The following CFLAR variants were observed in gnomAD, a reference collection of about 807,000 sequenced individuals.
The protein encoded by CFLAR is CASP8 and FADD-like apoptosis regulator.
CFLAR carries 14 observed loss-of-function variants against 51.1 expected under a neutral mutation model. The ratio of observed to expected loss-of-function variants is 0.27; its 90% CI spans 0.18 to 0.43. CFLAR has a LOEUF of 0.43. Ranked by LOEUF, CFLAR falls within the 20% of genes least tolerant of loss-of-function variation. The probability of loss-of-function intolerance (pLI) is 1.00; values close to 1 mark genes in which losing one functional copy is unlikely to be tolerated. For missense variants in CFLAR, 390 were observed against 566.5 expected, an observed-to-expected ratio of 0.69 and a Z score of 3.16; for synonymous variants, 210 against 211.6, an observed-to-expected ratio of 0.99 and a Z score of 0.06.
chr2:201,164,523 G>A lies in CFLAR; in HGVS notation c.*550G>A, dbSNP rs1281114229. On this transcript the variant is annotated 3_prime_UTR_variant, in exon 10 of 10. Coordinates refer to ENST00000309955, the MANE Select transcript of CFLAR (RefSeq NM_003879.7). Reference sequence around the variant, plus strand: ...CAGGAAGCATTCAGCATGAGAGAAAGATGGAGGCCAGAAGACTACACCAGT... The same window carrying A: ...CAGGAAGCATTCAGCATGAGAGAAAAATGGAGGCCAGAAGACTACACCAGT... The A allele has an allele frequency of 1.3e-5, 2 of 152,186 alleles. No individual in the cohort carries two copies. Among genetic ancestry groups the A allele is most frequent in the Non-Finnish European group, 2.9e-5 (2 of 68,072 alleles). 9.4% of individuals were successfully genotyped at this position (152,186 alleles called of 1,614,324 possible). A position where few individuals can be genotyped will look rare whatever the true frequency, so the allele number is the denominator to read the frequency against.
At chr2:201,163,310 A>C in intron 9 of CFLAR, 1 of 1,248,732 alleles carries the variant, frequency 8.0e-7, no homozygotes, top group South Asian at 2.1e-5. Context: ...GAATGAAGCC[A>C]CAATGTACCT....
At position 201,129,736 on chromosome 2, in the gene CFLAR, C is replaced by A; in HGVS notation, c.-130C>A. The A allele has an allele frequency of 6.0e-6, 5 of 832,688 alleles. No homozygotes were observed. The South Asian group carries it at 9.1e-5, about 15-fold the overall frequency. 51.6% of individuals were successfully genotyped at this position (832,688 alleles called of 1,614,324 possible). A position where few individuals can be genotyped will look rare whatever the true frequency, so the allele number is the denominator to read the frequency against. ...ATTCCCTTTTAACCACAGAACTCCC[C>A]CACTGGAAAGGATTCTGAAAGAAAT... On this transcript the variant is annotated 5_prime_UTR_variant, in exon 2 of 10. Transcript: ENST00000309955.
intron 3 of CFLAR, 99 bp downstream of exon 3, chr2:201,133,233 C>G: frequency 1.2e-6 from 1 of 800,088 alleles, no homozygotes; most frequent in East Asian, 2.7e-5. Context: ...TCTGCCGCCA[C>G]TATAGTGGGA....
At chr2:201,155,970 G>A (rs1410612293) in intron 8 of CFLAR, among the ~76,000 whole-genome samples, 2 of 152,014 alleles carry the variant, frequency 1.3e-5, no homozygotes, top group Non-Finnish European at 2.9e-5. Context: ...TATTTCCCAG[G>A]GCGGTCTTGA....
Position 201,116,970 on chromosome 2 carries a change from A to G in CFLAR, c.-138+489A>G, listed in dbSNP as rs1350591869. Reference sequence around the variant, plus strand: ...CAGTGGCGGGCCCTCAGCGTCGTGTAAACTTTGCTTAAAATGATCTTGAGA... The same window carrying G: ...CAGTGGCGGGCCCTCAGCGTCGTGTGAACTTTGCTTAAAATGATCTTGAGA... On this transcript the variant is annotated intron_variant, in intron 1 of 9. Coordinates refer to ENST00000309955, the MANE Select transcript of CFLAR (RefSeq NM_003879.7). The surrounding 1 kb of genome is among the most constrained non-coding windows in gnomAD (Gnocchi z 4.8). 1.3e-5 allele frequency: 2 copies of G among 152,186 alleles called. No individual in the cohort carries two copies. Among genetic ancestry groups the G allele is most frequent in the African/African-American group, 4.8e-5 (2 of 41,456 alleles). 9.4% of individuals were successfully genotyped at this position (152,186 alleles called of 1,614,324 possible).
intron 2 of CFLAR, among the ~76,000 whole-genome samples, chr2:201,130,921 A>T (rs969874075): frequency 1.3e-5 from 2 of 152,226 alleles, no homozygotes; most frequent in Admixed American, 6.5e-5. Flanking sequence ...ACCTTTGTAG[A>T]GACTCCATCA....
chr2:201,162,903 C>T (rs1218456692), intron 9 of CFLAR: 2 of 644,688 alleles, frequency 3.1e-6, no homozygotes, highest in Non-Finnish European at 5.7e-6. Flanking sequence ...CTTGATCAAT[C>T]TTCAGTTGTT....
intron 8 of CFLAR, 156 bp downstream of exon 8, chr2:201,149,991 C>T: frequency 5.1e-6 from 3 of 585,372 alleles, no homozygotes; most frequent in Non-Finnish European, 9.2e-6. Flanking sequence ...CCTGGAATTC[C>T]AGCACTTTGT....
rs550402584 is a variant in CFLAR, at chr2:201,166,840, G to A, written c.*2867G>A. On this transcript the variant is annotated 3_prime_UTR_variant, in exon 10 of 10. Transcript: ENST00000309955. The stretch of plus-strand genomic sequence containing the variant: ...AAACCAGTCAGGCGTGGCGGCGCCC[G>A]CAATGGCAGGCACGCGGCAGGCCGA... 8.3e-4 allele frequency: 131 copies of A among 157,014 alleles called. No individual in the cohort carries two copies. The highest frequency in any genetic ancestry group is 3.2e-3 in the Middle Eastern group (1 of 314). The allele number at this position is 157,014 out of a possible 1,614,324, so 9.7% of individuals were successfully genotyped here.
At chr2:201,149,167 G>A (rs1365794019) in intron 7 of CFLAR, 115 bp downstream of exon 7, 6 of 690,562 alleles carry the variant, frequency 8.7e-6, no homozygotes, top group South Asian at 5.3e-5. Context: ...CTCTGAGAGT[G>A]TTGTTCTCCT....
chr2:201,164,783 A>G lies in CFLAR; in HGVS notation c.*810A>G, dbSNP rs774685748. On this transcript the variant is annotated 3_prime_UTR_variant, in exon 10 of 10. Coordinates refer to ENST00000309955, the MANE Select transcript of CFLAR (RefSeq NM_003879.7). The stretch of plus-strand genomic sequence containing the variant: ...ATTTGGGCAACTATACCAAATTACC[A>G]TAGACCAGGTGACTTAAACAGCAGT... The G allele has an allele frequency of 6.6e-6, 1 of 152,262 alleles. No homozygotes were observed. Among genetic ancestry groups the G allele is most frequent in the Non-Finnish European group, 1.5e-5 (1 of 68,044 alleles). The allele number at this position is 152,262 out of a possible 1,614,324, so 9.4% of individuals were successfully genotyped here. A position where few individuals can be genotyped will look rare whatever the true frequency, so the allele number is the denominator to read the frequency against.
Position 201,119,738 on chromosome 2 carries a change from G to A in CFLAR, c.-138+3257G>A, listed in dbSNP as rs977944169. On this transcript the variant is annotated intron_variant, in intron 1 of 9. Coordinates refer to ENST00000309955, the MANE Select transcript of CFLAR (RefSeq NM_003879.7). ...ATGCATTTTCTTCAGACACTCTTCA[G>A]TCAAGTTGTATTATAATTATGAGTT... is the stretch of plus-strand genomic sequence containing the variant. Among the ~76,000 whole-genome samples, 6 of 151,798 alleles carry A rather than the reference G, an allele frequency of 4.0e-5. No individual in the cohort carries two copies. The East Asian group carries it at 9.7e-4, about 24-fold the overall frequency.
chr2:201,123,997 GGTT>G (rs1559172336), intron 1 of CFLAR, among the ~76,000 whole-genome samples: 1 of 152,190 alleles, frequency 6.6e-6, no homozygotes. Context: ...CAGTTTGTGG[GGTT>G]GCAAGAAATT....
intron 5 of CFLAR, chr2:201,141,739 A>T: frequency 1.3e-5 from 9 of 718,274 alleles, no homozygotes; most frequent in South Asian, 4.3e-5. Context: ...TTGTGTTCCT[A>T]GTACTTAGTA....
At chr2:201,139,623 T>C (rs1334887723) in intron 4 of CFLAR, 1 of 153,394 alleles carries the variant, frequency 6.5e-6, no homozygotes, top group Admixed American at 6.5e-5. Flanking sequence ...CTACTGCTCT[T>C]TAAGTCATTG....
intron 8 of CFLAR, among the ~76,000 whole-genome samples, chr2:201,159,034 C>T (rs1007642611): frequency 1.3e-5 from 2 of 151,626 alleles, no homozygotes; most frequent in East Asian, 3.9e-4. Flanking sequence ...AGCACCACCA[C>T]GCCTGGCTAA....
At chr2:201,133,583 G>A (rs1205952226) in intron 3 of CFLAR, among the ~76,000 whole-genome samples, 7 of 152,044 alleles carry the variant, frequency 4.6e-5, no homozygotes, top group Non-Finnish European at 1.0e-4. Flanking sequence ...TGGGGTGGGG[G>A]GAGGTTCTTG....
rs1944171180 is a variant in CFLAR at position 201,176,294 on chromosome 2, GC to G, written c.*12322del. The G allele has an allele frequency of 6.0e-5, 5 of 83,748 alleles. No homozygotes were observed. The highest frequency in any genetic ancestry group is 2.5e-4 in the Admixed American group (2 of 7,856). 5.2% of individuals were successfully genotyped at this position (83,748 alleles called of 1,614,324 possible). A position where few individuals can be genotyped will look rare whatever the true frequency, so the allele number is the denominator to read the frequency against. On this transcript the variant is annotated 3_prime_UTR_variant, in exon 10 of 10. Coordinates refer to ENST00000309955, the MANE Select transcript of CFLAR (RefSeq NM_003879.7). ...TTTCTATTGCGGGGGGGGGGGGCGG[GC>G]GGGGGAGCTGCCTGTCCCTGGCACC...
At chr2:201,119,911 A>G (rs2048015103) in intron 1 of CFLAR, among the ~76,000 whole-genome samples, 5 of 149,994 alleles carry the variant, frequency 3.3e-5, no homozygotes, top group Admixed American at 3.3e-4. Context: ...ATAAACACTC[A>G]ATTTTTTTGG....
Sources: gnomAD v4.1 joint callset for allele counts (sites outside exome capture counted in the v4.1 genomes callset) on GRCh38, gnomAD v4.1.1 for gene constraint, Gnocchi (gnomAD v3.1) non-coding constraint, MANE v1.5 for transcripts, NCBI Gene and HGNC (gene_info 2026-07-23, HGNC 2026-07-21) for gene names.